The following ADGRL3 variants were observed in gnomAD, a reference collection of about 807,000 sequenced individuals.
ADGRL3 encodes adhesion G protein-coupled receptor L3.
In ADGRL3, 62 loss-of-function variants were observed where a neutral mutation model predicts 153.5. That is an observed-to-expected ratio of 0.40 (90% CI 0.33 to 0.50). ADGRL3 has a LOEUF of 0.50. ADGRL3 is among the 20% of genes least tolerant of loss of function. ADGRL3 has a pLI of 0.47. For missense variants in ADGRL3, 1,641 were observed against 1,859.4 expected, an observed-to-expected ratio of 0.88 and a Z score of 2.16; for synonymous variants, 710 against 672.5, an observed-to-expected ratio of 1.06 and a Z score of -0.86.
At chr4:61,804,197 T>C (rs7694929) in intron 8 of ADGRL3, among the ~76,000 whole-genome samples, 24,129 of 152,152 alleles carry the variant, frequency 0.16, 2,088 homozygotes, top group African/African-American at 0.24. Context: ...CTGTTCTCTT[T>C]ATACTTAGGT....
At position 61,971,148 on chromosome 4, in the gene ADGRL3, TTTTA is replaced by T. The variant is rs912276437; in HGVS notation, c.2806-8400_2806-8397del. ...TAATTTTTTAAATTTTTTTATTTAT[TTTTA>T]TTTATTTATTTATTATTATTATACT... On this transcript the variant is annotated intron_variant, in intron 17 of 26. Transcript: ENST00000683033. 4.0e-5 allele frequency among the ~76,000 whole-genome samples: 6 copies of T among 151,618 alleles called. No homozygotes were observed. The East Asian group carries it at 5.8e-4, about 15-fold the overall frequency.
chr4:61,768,953 A>G (rs981231987), intron 8 of ADGRL3, among the ~76,000 whole-genome samples: 17 of 151,470 alleles, frequency 1.1e-4, no homozygotes, highest in African/African-American at 3.6e-4. Flanking sequence ...CGATTGGGGC[A>G]CAGAGATAAG....
At chr4:61,721,158 A>T (rs2096236585) in intron 6 of ADGRL3, among the ~76,000 whole-genome samples, 1 of 152,178 alleles carries the variant, frequency 6.6e-6, no homozygotes, top group Non-Finnish European at 1.5e-5. Flanking sequence ...GAGGGACAGG[A>T]CTAATAGGAT....
intron 4 of ADGRL3, among the ~76,000 whole-genome samples, chr4:61,577,181 T>A (rs922688580): frequency 2.1e-4 from 30 of 139,600 alleles, no homozygotes; most frequent in East Asian, 4.7e-4. Flanking sequence ...TGTGTGTGTG[T>A]GAGAGAGAGA....
intron 2 of ADGRL3, among the ~76,000 whole-genome samples, chr4:61,482,253 A>C (rs1579104551): frequency 1.3e-5 from 2 of 152,198 alleles, no homozygotes; most frequent in East Asian, 3.9e-4. Flanking sequence ...TTGCTTCAAC[A>C]CTTTTCATTG....
chr4:61,301,892 G>GA (rs966953286), intron 1 of ADGRL3, among the ~76,000 whole-genome samples: 1 of 151,896 alleles, frequency 6.6e-6, no homozygotes, highest in Admixed American at 6.6e-5. Flanking sequence ...AGCTTAAAAA[G>GA]AAAAAAATAA....
intron 1 of ADGRL3, among the ~76,000 whole-genome samples, chr4:61,380,736 A>G (rs1184591059): frequency 6.6e-6 from 1 of 151,922 alleles, no homozygotes; most frequent in Non-Finnish European, 1.5e-5. Flanking sequence ...GCCGGCATTT[A>G]TTTTTATCCA....
intron 8 of ADGRL3, among the ~76,000 whole-genome samples, chr4:61,734,001 C>T (rs1399726049): frequency 1.3e-5 from 2 of 152,174 alleles, no homozygotes; most frequent in African/African-American, 2.4e-5. Flanking sequence ...TCACAGAGTG[C>T]ATCATATCTG....
intron 4 of ADGRL3, among the ~76,000 whole-genome samples, chr4:61,582,938 A>G (rs2098931947): frequency 6.6e-6 from 1 of 152,026 alleles, no homozygotes; most frequent in Non-Finnish European, 1.5e-5. Flanking sequence ...TTTATATATT[A>G]ACATGATTTT....
intron 1 of ADGRL3, among the ~76,000 whole-genome samples, chr4:61,258,564 C>T (rs1026048711): frequency 3.3e-5 from 5 of 152,204 alleles, no homozygotes; most frequent in Admixed American, 6.5e-5. Context: ...TGCCTAGGTG[C>T]GTAGGTCTGT....
At chr4:61,378,344 G>T (rs929078218) in intron 1 of ADGRL3, among the ~76,000 whole-genome samples, 1 of 151,968 alleles carries the variant, frequency 6.6e-6, no homozygotes, top group Non-Finnish European at 1.5e-5. Context: ...CGTTCTCAAA[G>T]TTCCACCCCC....
intron 17 of ADGRL3, among the ~76,000 whole-genome samples, chr4:61,956,036 C>CT (rs2098965026): frequency 6.6e-6 from 1 of 152,110 alleles, no homozygotes; most frequent in African/African-American, 2.4e-5. Context: ...ATTTATACTC[C>CT]TTTGGGTATA....
At chr4:61,631,191 C>T (rs2093144045) in intron 5 of ADGRL3, among the ~76,000 whole-genome samples, 1 of 152,112 alleles carries the variant, frequency 6.6e-6, no homozygotes, top group African/African-American at 2.4e-5. Context: ...TTTCTAGTGA[C>T]ATCTCCGTAA....
intron 17 of ADGRL3, among the ~76,000 whole-genome samples, chr4:61,978,481 T>C (rs1424176976): frequency 6.6e-6 from 1 of 152,188 alleles, no homozygotes; most frequent in Non-Finnish European, 1.5e-5. Flanking sequence ...CTGATAGAAG[T>C]TAGGTATTTA....
rs561710734 is a variant in ADGRL3, at chr4:61,555,925, T to C, written c.260-31302T>C. ...ACTCTTGTGGCTAGCTTGGTTTTGC[T>C]AGGATTTAGCCGGCTTCTTTACTAC... On this transcript the variant is annotated intron_variant, in intron 4 of 26. Transcript: ENST00000683033. 2.6e-5 allele frequency among the ~76,000 whole-genome samples: 4 copies of C among 152,274 alleles called. No homozygotes were observed. The South Asian group carries it at 6.2e-4, about 24-fold the overall frequency.
At chr4:61,821,521 C>T (rs529991050) in intron 9 of ADGRL3, among the ~76,000 whole-genome samples, 1 of 152,022 alleles carries the variant, frequency 6.6e-6, no homozygotes, top group East Asian at 1.9e-4. Context: ...CACCACCATG[C>T]CTAGCTAATT....
chr4:61,761,472 T>G (rs774294855), intron 8 of ADGRL3, among the ~76,000 whole-genome samples: 1 of 152,106 alleles, frequency 6.6e-6, no homozygotes, highest in Non-Finnish European at 1.5e-5. Flanking sequence ...TTCTGGAAAT[T>G]TTTACCCAGT....
At chr4:61,246,631 A>G (rs935109717) in intron 1 of ADGRL3, among the ~76,000 whole-genome samples, 4 of 151,838 alleles carry the variant, frequency 2.6e-5, no homozygotes, top group Admixed American at 2.6e-4. Flanking sequence ...TTACATTATA[A>G]TTTTAATTTT....
intron 21 of ADGRL3, among the ~76,000 whole-genome samples, chr4:62,027,330 G>A (rs749059130): frequency 1.1e-4 from 17 of 151,928 alleles, no homozygotes; most frequent in South Asian, 2.1e-4. Flanking sequence ...GAATGTCCCC[G>A]TCCAGTACTG....
Sources: gnomAD v4.1 joint callset for allele counts (sites outside exome capture counted in the v4.1 genomes callset) on GRCh38, gnomAD v4.1.1 for gene constraint, MANE v1.5 for transcripts, NCBI Gene and HGNC (gene_info 2026-07-23, HGNC 2026-07-21) for gene names.